The following C4orf51 variants were observed in gnomAD, a reference collection of about 807,000 sequenced individuals.
C4orf51 encodes chromosome 4 open reading frame 51.
C4orf51 carries 25 observed loss-of-function variants against 25.2 expected under a neutral mutation model. The ratio of observed to expected loss-of-function variants is 0.99; its 90% confidence interval spans 0.72 to 1.39. The LOEUF is 1.39. Ranked by LOEUF, C4orf51 falls within the 40% of genes most tolerant of loss-of-function variation. The probability of loss-of-function intolerance (pLI) is 0.00; values close to 1 mark genes in which losing one functional copy is unlikely to be tolerated. For missense variants in C4orf51, 252 were observed against 239.6 expected, an observed-to-expected ratio of 1.05 and a Z score of -0.34; for synonymous variants, 100 against 84.5, an observed-to-expected ratio of 1.18 and a Z score of -1.01.
chr4:145,687,076 GA>G (rs1269087680), intron 1 of C4orf51, among the ~76,000 whole-genome samples: 5 of 152,050 alleles, frequency 3.3e-5, no homozygotes, highest in African/African-American at 1.2e-4. Context: ...AAGCTAAAGG[GA>G]AATGTCAAGC....
chr4:145,749,826 G>C (rs1733573078), intron 1 of C4orf51, among the ~76,000 whole-genome samples: 1 of 151,936 alleles, frequency 6.6e-6, no homozygotes, highest in African/African-American at 2.4e-5. Flanking sequence ...AGTAGAGACG[G>C]GGTTTCACTG....
chr4:145,788,634 C>A, the C4orf51 span, among the ~76,000 whole-genome samples: 2 of 152,048 alleles, frequency 1.3e-5, no homozygotes, highest in African/African-American at 2.4e-5. Context: ...TGAACAGCAA[C>A]CTAATTTTAT....
chr4:145,769,792 C>A (rs773812960), intron 1 of C4orf51, among the ~76,000 whole-genome samples: 4 of 152,160 alleles, frequency 2.6e-5, no homozygotes, highest in East Asian at 1.9e-4. Context: ...CACATTAGGA[C>A]AACCAGCTGA....
At chr4:145,787,465 A>G in the C4orf51 span, among the ~76,000 whole-genome samples, 3 of 120,034 alleles carry the variant, frequency 2.5e-5, no homozygotes, top group East Asian at 4.6e-4. Context: ...CCGTCTCAGG[A>G]AAAAAAAAAA....
chr4:145,774,521 C>T (rs150430236), downstream of C4orf51: 119 of 1,610,924 alleles, frequency 7.4e-5, no homozygotes, highest in Non-Finnish European at 9.4e-5. Context: ...TGCTTGGTGC[C>T]AATGTGAGTC....
chr4:145,700,786 C>T (rs1730386490), intron 2 of C4orf51, among the ~76,000 whole-genome samples: 1 of 152,034 alleles, frequency 6.6e-6, no homozygotes, highest in South Asian at 2.1e-4. Flanking sequence ...TGACCTCTCC[C>T]CTCCTCGCCA....
At chr4:145,704,419 G>C (rs1730665607) in intron 2 of C4orf51, among the ~76,000 whole-genome samples, 1 of 152,146 alleles carries the variant, frequency 6.6e-6, no homozygotes, top group Non-Finnish European at 1.5e-5. Context: ...CCAAGTAGCA[G>C]CCATTTAAAA....
chr4:145,791,238 T>C, the C4orf51 span, among the ~76,000 whole-genome samples: 33 of 152,222 alleles, frequency 2.2e-4, no homozygotes, highest in Admixed American at 1.0e-3. Flanking sequence ...CAGACAGCCA[T>C]CTTTCTCACT....
chr4:145,755,358 G>T (rs1213584017), downstream of C4orf51, among the ~76,000 whole-genome samples: 1 of 152,168 alleles, frequency 6.6e-6, no homozygotes, highest in African/African-American at 2.4e-5. Flanking sequence ...AATTGTGTAG[G>T]GGGAAATGAT....
At chr4:145,758,820 G>A (rs79414728), downstream of C4orf51, 12,100 of 152,224 alleles carry the variant, frequency 0.079, 545 homozygotes, top group Middle Eastern at 0.12. Context: ...CACCAAGTAG[G>A]CTCCCCATCC....
At chr4:145,726,088 CCT>C (rs1732039371) in intron 2 of C4orf51, among the ~76,000 whole-genome samples, 1 of 152,206 alleles carries the variant, frequency 6.6e-6, no homozygotes. Context: ...AAAATATTTA[CCT>C]CTCCCAAAAG....
At chr4:145,724,674 G>C (rs570876903) in intron 2 of C4orf51, among the ~76,000 whole-genome samples, 1 of 152,104 alleles carries the variant, frequency 6.6e-6, no homozygotes, top group African/African-American at 2.4e-5. Flanking sequence ...TTGAGCTCGG[G>C]AGTTCGAGAC....
At chr4:145,727,777 G>A (rs1732148448) in intron 3 of C4orf51, among the ~76,000 whole-genome samples, 1 of 149,374 alleles carries the variant, frequency 6.7e-6, no homozygotes, top group African/African-American at 2.5e-5. Context: ...AGAGGCTTGG[G>A]ATGCTGAGGC....
In C4orf51 at chr4:145,761,415, G is replaced by A; in HGVS notation, n.167-9573G>A. On this transcript the variant is annotated intron_variant and non_coding_transcript_variant, in intron 1 of 1. Transcript: ENST00000510096. This position sits in a 1 kb window ranked among gnomAD's most constrained non-coding sequence, Gnocchi z 6.8. ...TGAGCTTGTTGGCGGTCTTGGACAG[G>A]TAGCCGCACTGGTCGCACTTGTAGT... 1.6e-6 allele frequency: 2 copies of A among 1,289,846 alleles called. No individual in the cohort carries two copies. Among genetic ancestry groups the A allele is most frequent in the Non-Finnish European group, 2.0e-6 (2 of 988,858 alleles). The allele number at this position is 1,289,846 out of a possible 1,614,324, so 79.9% of individuals were successfully genotyped here.
At chr4:145,683,321 A>G (rs752775378) in intron 1 of C4orf51, among the ~76,000 whole-genome samples, 6 of 152,222 alleles carry the variant, frequency 3.9e-5, no homozygotes, top group Non-Finnish European at 7.4e-5. Context: ...TCAAGATGTC[A>G]GCCCTTCCCA....
At chr4:145,752,960 C>T (rs1004725432) in intron 1 of C4orf51, among the ~76,000 whole-genome samples, 3 of 149,144 alleles carry the variant, frequency 2.0e-5, no homozygotes, top group African/African-American at 7.8e-5. Context: ...AATCGCTGTG[C>T]TCTCACTCCC....
rs368503041 is a variant in C4orf51, at chr4:145,680,360, C to T, written c.157C>T (p.Arg53Trp). 2.5e-5 allele frequency: 41 copies of T among 1,613,678 alleles called. No homozygotes were observed. Among genetic ancestry groups the T allele is most frequent in the African/African-American group, 8.0e-5 (6 of 74,844 alleles). ...CGTGACAACATACACAGGCAGTTACCGGAAAAAACAACTGGACAAGTCCAT... is the reference window on the plus strand; with the variant it reads ...CGTGACAACATACACAGGCAGTTACTGGAAAAAACAACTGGACAAGTCCAT... ...SSVTTYTGSY[R>W]KKQLDKSMCS... The change falls in exon 1 of 6, where the codon CGG becomes TGG. Residue 53 changes from arginine to tryptophan, a missense_variant. Physicochemically the swap from Arg to Trp is moderately radical, Grantham distance 101 (BLOSUM62 -3). Coordinates refer to ENST00000438731, the MANE Select transcript of C4orf51 (RefSeq NM_001080531.3).
At chr4:145,749,846 G>A (rs1733574743) in intron 1 of C4orf51, among the ~76,000 whole-genome samples, 1 of 152,010 alleles carries the variant, frequency 6.6e-6, no homozygotes, top group Non-Finnish European at 1.5e-5. Flanking sequence ...GTGTTAGCCA[G>A]GATGGTCTCG....
the C4orf51 span, among the ~76,000 whole-genome samples, chr4:145,778,435 C>A: frequency 2.6e-5 from 4 of 152,082 alleles, no homozygotes; most frequent in Non-Finnish European, 5.9e-5. Flanking sequence ...CGCCCGACAA[C>A]AAAAACCTTT....
Sources: allele counts gnomAD v4.1 joint callset (sites outside exome capture counted in the v4.1 genomes callset), GRCh38; gene constraint gnomAD v4.1.1; non-coding constraint Gnocchi (gnomAD v3.1); transcripts MANE v1.5; gene names NCBI Gene and HGNC (gene_info 2026-07-23, HGNC 2026-07-21).